Variants in CNTD1 observed in about 807,000 individuals in gnomAD.
The protein encoded by CNTD1 is cyclin N-terminal domain containing 1, also known as cyclin N-terminal domain-containing protein 1.
In CNTD1, 17 loss-of-function variants were observed where a neutral mutation model predicts 36.3. The observed-to-expected ratio is 0.47, with a 90% CI of 0.32 to 0.70. CNTD1 has a LOEUF of 0.70. CNTD1 is among the 30% of genes least tolerant of loss of function. The pLI is 0.03. For missense variants in CNTD1, 338 were observed against 386.1 expected (o/e 0.88, Z 1.04); for synonymous variants, 128 against 153.3 (o/e 0.83, Z 1.22).
At chr17:42,807,661 C>A (rs1227035157) in intron 5 of CNTD1, 107 bp from the exon 6 acceptor site, 3 of 808,684 alleles carry the variant, frequency 3.7e-6, no homozygotes, top group East Asian at 2.5e-5. Flanking sequence ...TCTAAAAAAT[C>A]CAAGATGATC....
chr17:42,805,499 C>G, intron 3 of CNTD1: 1 of 347,240 alleles, frequency 2.9e-6, no homozygotes, highest in Non-Finnish European at 5.3e-6. Context: ...GAAGGGAGAT[C>G]CAGGTATAGA....
At chr17:42,801,696 ATCAAGGTTT>A in intron 1 of CNTD1, among the ~76,000 whole-genome samples, 1 of 151,492 alleles carries the variant, frequency 6.6e-6, no homozygotes, top group African/African-American at 2.4e-5. Context: ...AGAAATGGAG[ATCAAGGTTT>A]TCAAGTTATC....
Position 42,799,218 on chromosome 17 carries a change from A to G in CNTD1, c.151A>G (p.Arg51Gly), listed in dbSNP as rs1436765063. The G allele has an allele frequency of 1.2e-6, 2 of 1,613,614 alleles. No individual in the cohort carries two copies. Among genetic ancestry groups the G allele is most frequent in the South Asian group, 2.2e-5 (2 of 91,060 alleles). ...GGCTTCGGGGCGGCTGGGCCGCTTC[A>G]GGGAGCCCCAGATCGTGGGTGCGGC... Reference protein sequence around the residue: ...REASGRLGRFREPQIVEFVFL... With the variant: ...REASGRLGRFGEPQIVEFVFL... Residue 51 changes from arginine (R) to glycine (G), a missense_variant, in exon 1 of 7, where the codon AGG becomes GGG. Physicochemically the swap from Arg to Gly is moderately radical, Grantham distance 125. Coordinates refer to ENST00000588408, the MANE Select transcript of CNTD1 (RefSeq NM_173478.3).
chr17:42,806,880 G>C, intron 5 of CNTD1, 62 bp downstream of exon 5: 2 of 1,521,580 alleles, frequency 1.3e-6, no homozygotes, highest in Non-Finnish European at 1.8e-6. Context: ...CAGACCACAA[G>C]AACTTGGGGA....
rs777008722 is a variant in CNTD1, at chr17:42,799,040, G to A, written c.-28G>A. 8 of 1,611,802 alleles carry A rather than the reference G, an allele frequency of 5.0e-6. No individual in the cohort carries two copies. The South Asian group carries it at 7.7e-5, about 16-fold the overall frequency. On this transcript the variant is annotated 5_prime_UTR_variant, in exon 1 of 7. Transcript: ENST00000588408. Reference sequence around the variant, plus strand: ...GTCGGTATGTGGATCCAGTGAACCCGTCCAGGTGCCCCAAGAGGCTCGTGA... The same window carrying A: ...GTCGGTATGTGGATCCAGTGAACCCATCCAGGTGCCCCAAGAGGCTCGTGA...
At chr17:42,805,668 A>G (rs1298070819) in intron 3 of CNTD1, 54 bp from the exon 4 acceptor site, 1 of 1,503,414 alleles carries the variant, frequency 6.7e-7, no homozygotes, top group Non-Finnish European at 9.1e-7. Context: ...CACTCTGTCA[A>G]GACGTATGAA....
At position 42,811,562 on chromosome 17, in the gene CNTD1, C is replaced by T. The variant is rs1029039027; in HGVS notation, c.*2027C>T. On this transcript the variant is annotated 3_prime_UTR_variant, in exon 7 of 7. Transcript: ENST00000588408. ...TCTGTGCCATTTTTTTGCTTTCCCACCATTTATACTGTTTTGCCTCCATTA... is the reference window on the plus strand; with the variant it reads ...TCTGTGCCATTTTTTTGCTTTCCCATCATTTATACTGTTTTGCCTCCATTA... The T allele has an allele frequency of 8.2e-5, 123 of 1,505,160 alleles. No individual in the cohort carries two copies. The highest frequency in any genetic ancestry group is 1.1e-4 in the Non-Finnish European group (120 of 1,120,312). The allele number at this position is 1,505,160 out of a possible 1,614,324, so 93.2% of individuals were successfully genotyped here.
intron 1 of CNTD1, among the ~76,000 whole-genome samples, chr17:42,800,402 T>C (rs2054760244): frequency 6.6e-6 from 1 of 151,994 alleles, no homozygotes; most frequent in East Asian, 1.9e-4. Flanking sequence ...GGAAATGGGG[T>C]GCTTAGGGTG....
In CNTD1 at chr17:42,810,363, T is replaced by C. The variant is rs1024610964; in HGVS notation, c.*828T>C. ...TATCCAACTGTGCATCTCAAACATA[T>C]CCTCATCTCAGTAAAGACAAAAGTT... is the stretch of plus-strand genomic sequence containing the variant. On this transcript the variant is annotated 3_prime_UTR_variant, in exon 7 of 7. Coordinates refer to ENST00000588408, the MANE Select transcript of CNTD1 (RefSeq NM_173478.3). The C allele has an allele frequency of 6.5e-6, 1 of 154,972 alleles. No homozygotes were observed. Among genetic ancestry groups the C allele is most frequent in the Non-Finnish European group, 1.4e-5 (1 of 69,688 alleles). 9.6% of individuals were successfully genotyped at this position (154,972 alleles called of 1,614,324 possible).
Position 42,807,700 on chromosome 17 carries a change from A to G in CNTD1, c.726-68A>G, listed in dbSNP as rs552014664. On this transcript the variant is annotated intron_variant, in intron 5 of 6. Coordinates refer to ENST00000588408, the MANE Select transcript of CNTD1 (RefSeq NM_173478.3). Reference sequence around the variant, plus strand: ...ACAAATAATTCATAGTTGAAGTTCCATGACCCTATGATTTGGAAGATCAAG... The same window carrying G: ...ACAAATAATTCATAGTTGAAGTTCCGTGACCCTATGATTTGGAAGATCAAG... 2.1e-5 allele frequency: 24 copies of G among 1,129,262 alleles called. No homozygotes were observed. The African/African-American group carries it at 2.9e-4, about 14-fold the overall frequency. The allele number at this position is 1,129,262 out of a possible 1,614,324, so 70.0% of individuals were successfully genotyped here.
intron 2 of CNTD1, 116 bp from the exon 3 acceptor site, chr17:42,804,109 G>A: frequency 1.1e-6 from 1 of 947,282 alleles, no homozygotes; most frequent in East Asian, 2.6e-5. Flanking sequence ...AAAGTGCTGG[G>A]ATTACAGGTG....
At chr17:42,800,319 G>A (rs1259526408) in intron 1 of CNTD1, among the ~76,000 whole-genome samples, 3 of 152,038 alleles carry the variant, frequency 2.0e-5, no homozygotes, top group East Asian at 1.9e-4. Context: ...GAAGGAAGGA[G>A]GACATTGGGT....
rs1731631971 is a variant in CNTD1, at chr17:42,811,365, C to T, written c.*1830C>T. ...TCAAAAGAAGCATTCCTGTGTATTT[C>T]CAAGGGCTTCAGGGAAAAACCTTCT... On this transcript the variant is annotated 3_prime_UTR_variant, in exon 7 of 7. Transcript: ENST00000588408. 3.0e-6 allele frequency: 1 copy of T among 333,896 alleles called. No homozygotes were observed. The highest frequency in any genetic ancestry group is 5.4e-6 in the Non-Finnish European group (1 of 186,344). The allele number at this position is 333,896 out of a possible 1,614,324, so 20.7% of individuals were successfully genotyped here. A position where few individuals can be genotyped will look rare whatever the true frequency, so the allele number is the denominator to read the frequency against.
At chr17:42,806,190 T>C (rs1382680138) in intron 4 of CNTD1, among the ~76,000 whole-genome samples, 1 of 150,184 alleles carries the variant, frequency 6.7e-6, no homozygotes, top group Non-Finnish European at 1.5e-5. Context: ...ATCATGCCAC[T>C]GCACTCCAGC....
chr17:42,798,823 C>T (rs546514347), upstream of CNTD1: 34 of 1,445,112 alleles, frequency 2.4e-5, no homozygotes, highest in Non-Finnish European at 3.0e-5. Flanking sequence ...AGGGGATGGA[C>T]GCGGGAGGTG....
At chr17:42,798,832 T>A (rs1276401487), upstream of CNTD1, 1 of 1,441,422 alleles carries the variant, frequency 6.9e-7, no homozygotes, top group African/African-American at 1.4e-5. Flanking sequence ...ACGCGGGAGG[T>A]GAGAAGCGGA....
At chr17:42,805,643 A>T in intron 3 of CNTD1, 79 bp from the exon 4 acceptor site, 2 of 1,248,162 alleles carry the variant, frequency 1.6e-6, no homozygotes, top group Admixed American at 4.4e-5. Flanking sequence ...AGGCTGGATT[A>T]TGAAGGGCTT....
intron 3 of CNTD1, among the ~76,000 whole-genome samples, chr17:42,804,632 AC>A (rs1319134043): frequency 1.3e-5 from 2 of 152,070 alleles, no homozygotes; most frequent in Non-Finnish European, 2.9e-5. Context: ...ACATGGTAAA[AC>A]CCTGTCTCTA....
chr17:42,799,210 G>A lies in CNTD1; in HGVS notation c.143G>A (p.Gly48Asp). ...GTGAGGGAGGCTTCGGGGCGGCTGGGCCGCTTCAGGGAGCCCCAGATCGTG... is the reference window on the plus strand; with the variant it reads ...GTGAGGGAGGCTTCGGGGCGGCTGGACCGCTTCAGGGAGCCCCAGATCGTG... Reference protein sequence around the residue: ...QAVREASGRLGRFREPQIVEF... With the variant: ...QAVREASGRLDRFREPQIVEF... The change falls in exon 1 of 7, where the codon GGC (glycine) becomes GAC (aspartate). Residue 48 changes from glycine to aspartate, a missense_variant. By Grantham distance (94) the Gly-to-Asp change is moderately conservative. Coordinates refer to ENST00000588408, the MANE Select transcript of CNTD1 (RefSeq NM_173478.3). 1 of 1,613,902 alleles carries A rather than the reference G, an allele frequency of 6.2e-7. No homozygotes were observed.
Sources: allele counts gnomAD v4.1 joint callset (sites outside exome capture counted in the v4.1 genomes callset), GRCh38; gene constraint gnomAD v4.1.1; transcripts MANE v1.5; gene names NCBI Gene and HGNC (gene_info 2026-07-23, HGNC 2026-07-21).